Variants in PTCHD4 observed in about 807,000 individuals in gnomAD.
PTCHD4 encodes the protein patched domain containing 4.
In PTCHD4, 33 loss-of-function variants were observed where a neutral mutation model predicts 58.1. That is an observed-to-expected ratio of 0.57 (90% CI 0.43 to 0.76). The LOEUF is 0.76. Ranked by LOEUF, PTCHD4 falls within the 30% of genes least tolerant of loss-of-function variation. The pLI is 0.00. For missense variants in PTCHD4, 1,058 were observed against 1,027.1 expected, an observed-to-expected ratio of 1.03 and a Z score of -0.41; for synonymous variants, 478 against 409.6, an observed-to-expected ratio of 1.17 and a Z score of -2.02.
intron 1 of PTCHD4, among the ~76,000 whole-genome samples, chr6:48,087,238 C>T (rs1765282043): frequency 6.6e-6 from 1 of 152,156 alleles, no homozygotes; most frequent in Non-Finnish European, 1.5e-5. Context: ...CAGTTTTTTT[C>T]TCCTCTGGTC....
chr6:48,082,603 C>T (rs1258698405), intron 1 of PTCHD4, among the ~76,000 whole-genome samples: 2 of 152,156 alleles, frequency 1.3e-5, no homozygotes, highest in Admixed American at 6.5e-5. Flanking sequence ...TCCCAAGATG[C>T]CATCCCTGCC....
intron 4 of PTCHD4, among the ~76,000 whole-genome samples, chr6:47,918,183 C>T (rs1191385120): frequency 1.3e-5 from 2 of 152,072 alleles, no homozygotes; most frequent in Admixed American, 6.6e-5. Flanking sequence ...CATGTCTGCA[C>T]CAGAAAACCA....
intron 4 of PTCHD4, among the ~76,000 whole-genome samples, chr6:47,989,014 A>C: frequency 6.6e-6 from 1 of 152,216 alleles, no homozygotes; most frequent in East Asian, 1.9e-4. Flanking sequence ...GGTTTTTCCC[A>C]AAAGCCTGAT....
chr6:48,082,410 T>G (rs1287498004), intron 1 of PTCHD4, among the ~76,000 whole-genome samples: 1 of 152,216 alleles, frequency 6.6e-6, no homozygotes, highest in Non-Finnish European at 1.5e-5. Context: ...ATCTGTGAAC[T>G]GGAATAATTT....
At chr6:47,991,021 T>G (rs543331870) in intron 4 of PTCHD4, among the ~76,000 whole-genome samples, 1 of 151,908 alleles carries the variant, frequency 6.6e-6, no homozygotes, top group Non-Finnish European at 1.5e-5. Flanking sequence ...AAAGGAAGTA[T>G]AAAAGACATG....
At chr6:48,013,241 T>C (rs1180412339) in intron 3 of PTCHD4, among the ~76,000 whole-genome samples, 1 of 152,126 alleles carries the variant, frequency 6.6e-6, no homozygotes, top group African/African-American at 2.4e-5. Context: ...TCTTAATTAC[T>C]GCCTCAATTT....
At chr6:47,886,641 A>G (rs562968868) in intron 4 of PTCHD4, among the ~76,000 whole-genome samples, 1 of 152,322 alleles carries the variant, frequency 6.6e-6, no homozygotes, top group Admixed American at 6.5e-5. Context: ...TGAATGAATA[A>G]TGAATAAAAA....
At chr6:48,047,232 G>A (rs1041691744) in intron 3 of PTCHD4, among the ~76,000 whole-genome samples, 1 of 151,542 alleles carries the variant, frequency 6.6e-6, no homozygotes, top group African/African-American at 2.4e-5. Flanking sequence ...ACCACTCCTG[G>A]CCAGCTTCCA....
intron 4 of PTCHD4, among the ~76,000 whole-genome samples, chr6:47,887,977 G>A (rs977824318): frequency 1.3e-5 from 2 of 152,150 alleles, no homozygotes; most frequent in African/African-American, 4.8e-5. Flanking sequence ...GTTCAATGAG[G>A]GAGGGCCTCG....
chr6:48,030,100 C>T (rs1763383397), intron 3 of PTCHD4, among the ~76,000 whole-genome samples: 1 of 151,714 alleles, frequency 6.6e-6, no homozygotes, highest in Admixed American at 6.6e-5. Context: ...ATATTACCCA[C>T]CAAACTAAAA....
chr6:48,048,127 C>T (rs549963535), intron 3 of PTCHD4, among the ~76,000 whole-genome samples: 67 of 151,222 alleles, frequency 4.4e-4, no homozygotes, highest in African/African-American at 1.4e-3. Flanking sequence ...GTTGAAGAAG[C>T]TGAGCATTTT....
At chr6:47,933,563 C>T (rs1765897444) in intron 4 of PTCHD4, among the ~76,000 whole-genome samples, 2 of 152,274 alleles carry the variant, frequency 1.3e-5, no homozygotes, top group Admixed American at 6.5e-5. Context: ...CTAATGAATC[C>T]TGCAAGATGA....
chr6:48,097,305 T>A (rs765190360), intron 1 of PTCHD4, among the ~76,000 whole-genome samples: 55 of 152,300 alleles, frequency 3.6e-4, no homozygotes, highest in Admixed American at 9.1e-4. Flanking sequence ...TCATCTTGTA[T>A]ATGACAGATA....
intron 4 of PTCHD4, among the ~76,000 whole-genome samples, chr6:47,982,703 G>A (rs1767929708): frequency 6.6e-6 from 1 of 151,988 alleles, no homozygotes; most frequent in Non-Finnish European, 1.5e-5. Flanking sequence ...TAGCCAGGAT[G>A]GTCTCCATCT....
At chr6:47,905,277 G>T (rs1387730794) in intron 4 of PTCHD4, among the ~76,000 whole-genome samples, 4 of 152,166 alleles carry the variant, frequency 2.6e-5, no homozygotes, top group Non-Finnish European at 1.5e-5. Context: ...CACTCTGGCT[G>T]CAGTAAAGAA....
chr6:48,018,004 A>G (rs1285782683), intron 3 of PTCHD4, among the ~76,000 whole-genome samples: 1 of 152,200 alleles, frequency 6.6e-6, no homozygotes, highest in Non-Finnish European at 1.5e-5. Context: ...AGAAGATTGA[A>G]TGTGTGGATA....
chr6:47,911,917 GA>G (rs1429484434), intron 4 of PTCHD4, among the ~76,000 whole-genome samples: 1 of 152,080 alleles, frequency 6.6e-6, no homozygotes, highest in Non-Finnish European at 1.5e-5. Context: ...TCAATATTTA[GA>G]AGGTGGATAG....
At chr6:48,039,988 A>T (rs1490082997) in intron 3 of PTCHD4, among the ~76,000 whole-genome samples, 1 of 152,104 alleles carries the variant, frequency 6.6e-6, no homozygotes, top group South Asian at 2.1e-4. Flanking sequence ...TAAGTCTGAG[A>T]TGGGGCCCAA....
chr6:48,080,777 G>GT (rs1486145113), intron 1 of PTCHD4, among the ~76,000 whole-genome samples: 1 of 152,106 alleles, frequency 6.6e-6, no homozygotes, highest in Non-Finnish European at 1.5e-5. Context: ...GATGATGTGG[G>GT]TCTCAATTCC....
Sources: allele counts gnomAD v4.1 joint callset (sites outside exome capture counted in the v4.1 genomes callset), GRCh38; gene constraint gnomAD v4.1.1; transcripts MANE v1.5; gene names NCBI Gene and HGNC (gene_info 2026-07-23, HGNC 2026-07-21).